The following YWHAB variants were observed in gnomAD, a reference collection of about 807,000 sequenced individuals.
The protein encoded by YWHAB is 14-3-3 protein beta/alpha.
YWHAB carries 2 observed loss-of-function variants against 28.5 expected under a neutral mutation model. The ratio of observed to expected loss-of-function variants is 0.07; its 90% confidence interval spans 0.03 to 0.22. The LOEUF (loss-of-function observed/expected upper bound fraction) is 0.22, where lower values mean the gene tolerates loss of function less well. Among genes scored for constraint, YWHAB ranks in the 10% least tolerant of loss-of-function variants. The pLI, the probability that YWHAB is intolerant of heterozygous loss-of-function variation, is 1.00. For synonymous variants in YWHAB, 103 were observed against 104.7 expected, an observed-to-expected ratio of 0.98 and a Z score of 0.10; for missense variants, 148 against 297.1, an observed-to-expected ratio of 0.50 and a Z score of 3.69.
At position 44,904,984 on chromosome 20, in the gene YWHAB, C is replaced by T. The variant is rs983055639; in HGVS notation, c.441C>T (p.Ser147=). The change falls in exon 4 of 6, where the codon TCC becomes TCT. Residue 147 remains serine (S), a synonymous_variant. Coordinates refer to ENST00000353703, the MANE Select transcript of YWHAB (RefSeq NM_139323.4). ...GDNKQTTVSN[S]QQAYQEAFEI... is the part of the protein sequence containing the mutation. The stretch of plus-strand genomic sequence containing the variant: ...ATGTTACAGCCACTGTGTCGAACTC[C>T]CAGCAGGCTTACCAGGAAGCATTTG... 6.2e-6 allele frequency: 10 copies of T among 1,605,052 alleles called. No homozygotes were observed. Among genetic ancestry groups the T allele is most frequent in the Non-Finnish European group, 7.7e-6 (9 of 1,174,194 alleles).
intron 1 of YWHAB, among the ~76,000 whole-genome samples, chr20:44,890,512 T>TC (rs2066554398): frequency 7.1e-6 from 1 of 140,824 alleles, no homozygotes; most frequent in Non-Finnish European, 1.5e-5. Context: ...TTTTTTTTTT[T>TC]TTTTTTTTTT....
intron 1 of YWHAB, among the ~76,000 whole-genome samples, chr20:44,889,518 C>T (rs1383452921): frequency 6.7e-6 from 1 of 148,194 alleles, no homozygotes; most frequent in Non-Finnish European, 1.5e-5. Flanking sequence ...TTTTCCCGTA[C>T]TGGTTAGTTT....
intron 1 of YWHAB, among the ~76,000 whole-genome samples, chr20:44,899,682 C>T (rs1380511976): frequency 1.3e-5 from 2 of 152,168 alleles, no homozygotes; most frequent in African/African-American, 2.4e-5. Flanking sequence ...CCAAAAATTA[C>T]TTATTAAAAT....
chr20:44,886,505 C>T (rs769542895), intron 1 of YWHAB: 1 of 152,196 alleles, frequency 6.6e-6, no homozygotes, highest in Non-Finnish European at 1.5e-5. Context: ...TCAAGAAAAT[C>T]TGTTTGTTGG....
rs775632748 is a variant in YWHAB, at chr20:44,906,504, TAAAAAA to T, written c.*84_*89del. ...CCCTCAACATATATCCCTTGTGCGA[TAAAAAA>T]AAAAAAAAAAAAAAAAAGAGAATCG... On this transcript the variant is annotated 3_prime_UTR_variant, in exon 6 of 6. Transcript: ENST00000353703. 1,721 of 357,594 alleles carry T rather than the reference TAAAAAA, an allele frequency of 4.8e-3. 8 individuals carry two copies. Among genetic ancestry groups the T allele is most frequent in the Admixed American group, 9.2e-3 (117 of 12,710 alleles). The allele number at this position is 357,594 out of a possible 1,614,324, so 22.2% of individuals were successfully genotyped here.
At chr20:44,890,110 G>A (rs1361895889) in intron 1 of YWHAB, among the ~76,000 whole-genome samples, 1 of 152,202 alleles carries the variant, frequency 6.6e-6, no homozygotes, top group Non-Finnish European at 1.5e-5. Context: ...TTTACTAAAC[G>A]AGTTAGCTGG....
intron 1 of YWHAB, among the ~76,000 whole-genome samples, chr20:44,893,096 TC>T (rs1188191206): frequency 6.6e-6 from 1 of 152,204 alleles, no homozygotes; most frequent in East Asian, 1.9e-4. Flanking sequence ...CAGTAGGTAG[TC>T]TTCTTTTTCT....
rs1411250322 is a variant in YWHAB, at chr20:44,908,275, T to G, written c.*1837T>G. ...ATGTGGAACCAAGCCTGTCTGTATATCTGGTAGCTCTTTTCTTGCTTTGTT... is the reference window on the plus strand; with the variant it reads ...ATGTGGAACCAAGCCTGTCTGTATAGCTGGTAGCTCTTTTCTTGCTTTGTT... On this transcript the variant is annotated 3_prime_UTR_variant, in exon 6 of 6. Transcript: ENST00000353703. The G allele has an allele frequency of 6.6e-6, 1 of 152,644 alleles. No individual in the cohort carries two copies. The highest frequency in any genetic ancestry group is 1.5e-5 in the Non-Finnish European group (1 of 68,034). 9.5% of individuals were successfully genotyped at this position (152,644 alleles called of 1,614,324 possible). A position where few individuals can be genotyped will look rare whatever the true frequency, so the allele number is the denominator to read the frequency against.
At chr20:44,896,861 T>C (rs1295407070) in intron 1 of YWHAB, among the ~76,000 whole-genome samples, 1 of 152,272 alleles carries the variant, frequency 6.6e-6, no homozygotes, top group Non-Finnish European at 1.5e-5. Flanking sequence ...TCAAAAGTTA[T>C]GTAAGCAGTA....
intron 2 of YWHAB, chr20:44,903,070 G>C: frequency 1.0e-6 from 1 of 986,426 alleles, no homozygotes; most frequent in Non-Finnish European, 1.2e-6. Context: ...ACAACTCTTC[G>C]AAAATATTGC....
chr20:44,893,444 A>C (rs1215694526), intron 1 of YWHAB, among the ~76,000 whole-genome samples: 1 of 152,228 alleles, frequency 6.6e-6, no homozygotes, highest in Non-Finnish European at 1.5e-5. Context: ...TACTTGAAGA[A>C]AATTTAAAAA....
intron 4 of YWHAB, 185 bp from the exon 5 acceptor site, chr20:44,905,816 G>T: frequency 1.9e-6 from 1 of 525,760 alleles, no homozygotes; most frequent in Non-Finnish European, 3.4e-6. Context: ...GTCATTGTTG[G>T]TTGGTGCTTT....
At chr20:44,897,389 G>T (rs1032238694) in intron 1 of YWHAB, among the ~76,000 whole-genome samples, 2 of 152,168 alleles carry the variant, frequency 1.3e-5, no homozygotes, top group African/African-American at 4.8e-5. Context: ...TTTGAAGTGG[G>T]CCTCTAAGTG....
chr20:44,905,102 C>A lies in YWHAB; in HGVS notation c.559C>A (p.Pro187Thr), dbSNP rs1386279474. 2 of 1,611,692 alleles carry A rather than the reference C, an allele frequency of 1.2e-6. No homozygotes were observed. The highest frequency in any genetic ancestry group is 1.1e-5 in the South Asian group (1 of 90,630). The change falls in exon 4 of 6, where the codon CCT becomes ACT. Residue 187 changes from proline to threonine, a missense_variant. Coordinates refer to ENST00000353703, the MANE Select transcript of YWHAB (RefSeq NM_139323.4). Reference sequence around the variant, plus strand: ...CTTTTACTATGAGATTCTAAACTCTCCTGAAAAGGCCTGTAGCCTGGCAAA... The same window carrying A: ...CTTTTACTATGAGATTCTAAACTCTACTGAAAAGGCCTGTAGCCTGGCAAA... The part of the protein sequence containing the change: ...SVFYYEILNS[P>T]EKACSLAKTA...
At chr20:44,903,078 T>C in intron 2 of YWHAB, 3 of 986,562 alleles carry the variant, frequency 3.0e-6, no homozygotes, top group Non-Finnish European at 3.6e-6. Context: ...TCGAAAATAT[T>C]GCTCTGTATA....
chr20:44,903,371 G>A (rs1238581176), intron 2 of YWHAB: 9 of 153,606 alleles, frequency 5.9e-5, no homozygotes, highest in African/African-American at 2.2e-4. Context: ...TTTCTACCCA[G>A]GTCAGATTGA....
intron 2 of YWHAB, 108 bp downstream of exon 2, chr20:44,901,941 A>G (rs2066629686): frequency 1.6e-6 from 2 of 1,276,322 alleles, no homozygotes; most frequent in East Asian, 2.5e-5. Context: ...GTCTGAATAT[A>G]CTGGAAAGCT....
chr20:44,889,452 GGTTA>G (rs2066547461), intron 1 of YWHAB, among the ~76,000 whole-genome samples: 1 of 147,278 alleles, frequency 6.8e-6, no homozygotes, highest in Admixed American at 6.8e-5. Context: ...GCAGATTGTA[GGTTA>G]GTTAACTTTT....
Position 44,905,080 on chromosome 20 carries a change from T to C in YWHAB, c.537T>C (p.Phe179=). 6.2e-7 allele frequency: 1 copy of C among 1,613,466 alleles called. No individual in the cohort carries two copies. The highest frequency in any genetic ancestry group is 1.3e-5 in the African/African-American group (1 of 75,040). The change falls in exon 4 of 6, where the codon TTT becomes TTC. Residue 179 remains phenylalanine, a synonymous_variant. Transcript: ENST00000353703. The part of the protein sequence containing the change: ...RLGLALNFSV[F]YYEILNSPEK... ...GTCTGGCACTAAATTTCTCAGTCTT[T>C]TACTATGAGATTCTAAACTCTCCTG...
Sources: allele counts gnomAD v4.1 joint callset (sites outside exome capture counted in the v4.1 genomes callset), GRCh38; gene constraint gnomAD v4.1.1; transcripts MANE v1.5; gene names NCBI Gene and HGNC (gene_info 2026-07-23, HGNC 2026-07-21).